The following XPNPEP3 variants were observed in gnomAD, a reference collection of about 807,000 sequenced individuals.
The protein encoded by XPNPEP3 is xaa-Pro aminopeptidase 3.
Under a neutral mutation model 60.0 loss-of-function variants are expected in XPNPEP3, and 41 were observed. The ratio of observed to expected loss-of-function variants is 0.68; its 90% CI spans 0.53 to 0.89. XPNPEP3 has a LOEUF of 0.89. Ranked by LOEUF, XPNPEP3 falls within the 40% of genes least tolerant of loss-of-function variation. XPNPEP3 has a pLI of 0.00. For missense variants in XPNPEP3, 598 were observed against 638.9 expected (o/e 0.94, Z 0.69); for synonymous variants, 212 against 223.2 (o/e 0.95, Z 0.45).
intron 2 of XPNPEP3, among the ~76,000 whole-genome samples, chr22:40,871,000 G>C (rs2058002848): frequency 6.6e-6 from 1 of 151,852 alleles, no homozygotes; most frequent in African/African-American, 2.4e-5. Flanking sequence ...CTGCACTCCA[G>C]CTTGGGGGAC....
At chr22:40,880,527 T>C (rs146541541) in intron 2 of XPNPEP3, among the ~76,000 whole-genome samples, 28 of 148,990 alleles carry the variant, frequency 1.9e-4, no homozygotes, top group African/African-American at 6.7e-4. Flanking sequence ...AAGGTGTTGA[T>C]GTGAGTAGGA....
intron 7 of XPNPEP3, among the ~76,000 whole-genome samples, chr22:40,919,431 T>G (rs2058208188): frequency 6.6e-6 from 1 of 152,200 alleles, no homozygotes; most frequent in Non-Finnish European, 1.5e-5. Flanking sequence ...GGCAGGTGCC[T>G]GTAATCTCAG....
intron 4 of XPNPEP3, among the ~76,000 whole-genome samples, chr22:40,902,179 TCTCCTGC>T (rs1449930634): frequency 1.3e-5 from 2 of 150,276 alleles, no homozygotes; most frequent in Non-Finnish European, 3.0e-5. Context: ...TTCAAGCGAT[TCTCCTGC>T]CTCCTGCCTC....
At chr22:40,925,238 A>G (rs1397551307) in intron 9 of XPNPEP3, among the ~76,000 whole-genome samples, 2 of 152,200 alleles carry the variant, frequency 1.3e-5, no homozygotes, top group African/African-American at 4.8e-5. Context: ...AAAGCTAACA[A>G]TCGGATACGT....
intron 6 of XPNPEP3, among the ~76,000 whole-genome samples, chr22:40,910,215 C>T (rs1376117796): frequency 6.6e-6 from 1 of 152,100 alleles, no homozygotes; most frequent in South Asian, 2.1e-4. Context: ...CACACCTACC[C>T]TTATGCTGTC....
At chr22:40,872,260 C>T (rs2058009032) in intron 2 of XPNPEP3, among the ~76,000 whole-genome samples, 1 of 152,146 alleles carries the variant, frequency 6.6e-6, no homozygotes, top group Admixed American at 6.6e-5. Flanking sequence ...CTTGTCATTT[C>T]CTTAGAGAAA....
chr22:40,869,582 G>T (rs933513075), intron 2 of XPNPEP3, among the ~76,000 whole-genome samples: 1 of 152,196 alleles, frequency 6.6e-6, no homozygotes, highest in Admixed American at 6.5e-5. Context: ...TTTCTATATA[G>T]ATTAAGCAAG....
chr22:40,886,363 C>T lies in XPNPEP3; in HGVS notation c.640C>T (p.Leu214Phe). 1 of 1,614,138 alleles carries T rather than the reference C, an allele frequency of 6.2e-7. No homozygotes were observed. Among genetic ancestry groups the T allele is most frequent in the Non-Finnish European group, 8.5e-7 (1 of 1,180,034 alleles). Residue 214 changes from leucine (L) to phenylalanine (F), a missense_variant, in exon 4 of 10, where the codon CTT (leucine) becomes TTT (phenylalanine). By Grantham distance (22) the Leu-to-Phe change is conservative (BLOSUM62 0). Transcript: ENST00000357137. ...CTGGATGAGGCCCTCACATGCACAG[C>T]TTCACTCTGACTATATGCAGCCCCT... ...YDWMRPSHAQ[L>F]HSDYMQPLTE...
intron 4 of XPNPEP3, among the ~76,000 whole-genome samples, chr22:40,905,370 C>T (rs1009622744): frequency 5.9e-5 from 9 of 152,148 alleles, no homozygotes. Flanking sequence ...TGAGCCACCA[C>T]ACCCGGCCCC....
At chr22:40,908,993 TATG>T (rs1160479845) in intron 5 of XPNPEP3, 126 bp from the exon 6 acceptor site, 2 of 746,988 alleles carry the variant, frequency 2.7e-6, no homozygotes, top group Non-Finnish European at 4.9e-6. Context: ...TTTGGTTAGA[TATG>T]ATGAATAGCT....
intron 1 of XPNPEP3, among the ~76,000 whole-genome samples, chr22:40,863,181 A>G (rs969618114): frequency 5.9e-5 from 9 of 152,210 alleles, no homozygotes; most frequent in Admixed American, 2.0e-4. Flanking sequence ...ATGCAAGTTT[A>G]ATGATGTGAT....
rs765520332 is a variant in XPNPEP3 at position 40,914,434 on chromosome 22, C to A, written c.1055+110C>A. 42 of 874,100 alleles carry A rather than the reference C, an allele frequency of 4.8e-5. 1 individual carries two copies. The highest frequency in any genetic ancestry group is 7.1e-5 in the Non-Finnish European group (39 of 546,296). The allele number at this position is 874,100 out of a possible 1,614,324, so 54.1% of individuals were successfully genotyped here. A position where few individuals can be genotyped will look rare whatever the true frequency, so the allele number is the denominator to read the frequency against. The stretch of plus-strand genomic sequence containing the variant: ...GAAATACTATAGGTCCATTCCTGGT[C>A]AAGTTAGGTTGCAAAGCTCCTTATT... On this transcript the variant is annotated intron_variant, in intron 7 of 9. Coordinates refer to ENST00000357137, the MANE Select transcript of XPNPEP3 (RefSeq NM_022098.4).
rs776431142 is a variant in XPNPEP3 at position 40,922,367 on chromosome 22, G to GT, written c.1092dup (p.Leu365SerfsTer33). The GT allele has an allele frequency of 6.2e-7, 1 of 1,613,846 alleles. No individual in the cohort carries two copies. The highest frequency in any genetic ancestry group is 2.2e-5 in the East Asian group (1 of 44,886). ...ACCTCAGGCAGAACTCTATGAAGCCGTTCTAGAGATCCAAAGAGATTGTTT... is the reference window on the plus strand; with the variant it reads ...ACCTCAGGCAGAACTCTATGAAGCCGTTTCTAGAGATCCAAAGAGATTGTTT... On this transcript the variant is annotated frameshift_variant, in exon 8 of 10. Transcript: ENST00000357137. LOFTEE classifies it high-confidence loss of function.
chr22:40,920,349 G>A (rs1338557372), intron 7 of XPNPEP3, among the ~76,000 whole-genome samples: 2 of 152,090 alleles, frequency 1.3e-5, no homozygotes, highest in Non-Finnish European at 2.9e-5. Flanking sequence ...CAGCCTGGGT[G>A]AAAGAGCGAA....
At chr22:40,862,017 G>A (rs2057952952) in intron 1 of XPNPEP3, 6 of 1,558,972 alleles carry the variant, frequency 3.8e-6, no homozygotes, top group Non-Finnish European at 4.3e-6. Flanking sequence ...AGTTGGAAGT[G>A]GGTGTGCTGG....
chr22:40,862,783 A>G (rs9607750), intron 1 of XPNPEP3: 11,019 of 983,554 alleles, frequency 0.011, 71 homozygotes, highest in Non-Finnish European at 0.012. Context: ...TTCACTGTAT[A>G]ATTATTGATT....
intron 3 of XPNPEP3, among the ~76,000 whole-genome samples, chr22:40,885,432 T>C (rs1371686186): frequency 3.9e-5 from 6 of 152,180 alleles, no homozygotes; most frequent in African/African-American, 1.4e-4. Context: ...TGAACTGTGA[T>C]TGTTTACAAA....
At position 40,909,231 on chromosome 22, in the gene XPNPEP3, T is replaced by A. The variant is rs767957692; in HGVS notation, c.965T>A (p.Ile322Asn). The A allele has an allele frequency of 6.2e-7, 1 of 1,613,880 alleles. No individual in the cohort carries two copies. Among genetic ancestry groups the A allele is most frequent in the South Asian group, 1.1e-5 (1 of 91,074 alleles). Residue 322 changes from isoleucine (I) to asparagine (N), a missense_variant, in exon 6 of 10, where the codon ATC (isoleucine) becomes AAC (asparagine). Physicochemically the swap from Ile to Asn is moderately radical, Grantham distance 149. Coordinates refer to ENST00000357137, the MANE Select transcript of XPNPEP3 (RefSeq NM_022098.4). Reference sequence around the variant, plus strand: ...CACTATGTGAAAAATAATCAACTCATCAAGGTACGTGAGATGCCCTCAGTG... The same window carrying A: ...CACTATGTGAAAAATAATCAACTCAACAAGGTACGTGAGATGCCCTCAGTG... The part of the protein sequence containing the change: ...TLHYVKNNQL[I>N]KDGEMVLLDG...
chr22:40,900,781 A>T (rs186333137), intron 4 of XPNPEP3, among the ~76,000 whole-genome samples: 115 of 151,968 alleles, frequency 7.6e-4, no homozygotes, highest in Middle Eastern at 6.8e-3. Flanking sequence ...ATACAAAAAT[A>T]AGTTAGCTGG....
Sources: allele counts gnomAD v4.1 joint callset (sites outside exome capture counted in the v4.1 genomes callset), GRCh38; gene constraint gnomAD v4.1.1; transcripts MANE v1.5; gene names NCBI Gene and HGNC (gene_info 2026-07-23, HGNC 2026-07-21).